The following EXOC3 variants were observed in gnomAD, a reference collection of about 807,000 sequenced individuals.
EXOC3 encodes the protein exocyst complex component 3.
A neutral mutation model predicts 73.7 loss-of-function variants in EXOC3; 21 were observed. The ratio of observed to expected loss-of-function variants is 0.29; its 90% CI spans 0.20 to 0.41. EXOC3 has a LOEUF of 0.41. Among genes scored for constraint, EXOC3 ranks in the 10% least tolerant of loss-of-function variants. EXOC3 has a pLI of 1.00. For synonymous variants in EXOC3, 410 were observed against 389.1 expected (o/e 1.05, Z -0.63); for missense variants, 842 against 985.1 (o/e 0.85, Z 1.95).
intron 1 of EXOC3, chr5:445,005 A>T (rs974325283): frequency 6.6e-6 from 1 of 152,266 alleles, no homozygotes; most frequent in Admixed American, 6.5e-5. Context: ...CCAGATGAAA[A>T]AGGAGAAGAG....
At chr5:461,799 T>C in intron 7 of EXOC3, 161 bp from the exon 8 acceptor site, 2 of 607,900 alleles carry the variant, frequency 3.3e-6, no homozygotes, top group African/African-American at 1.9e-5. Context: ...TCTCTGTCCT[T>C]CCATTAGTCT....
rs1738175820 is a variant in EXOC3 at position 467,117 on chromosome 5, T to G, written c.*219T>G. ...TGTCAAAGGCCTGTGGGTGCAGGGC[T>G]CTGCCGCACAGCCTCTCTTGGGTGC... On this transcript the variant is annotated 3_prime_UTR_variant, in exon 13 of 13. Coordinates refer to ENST00000512944, the MANE Select transcript of EXOC3 (RefSeq NM_007277.5). The G allele has an allele frequency of 1.8e-6, 1 of 563,972 alleles. No homozygotes were observed. Among genetic ancestry groups the G allele is most frequent in the Non-Finnish European group, 3.2e-6 (1 of 316,246 alleles). The allele number at this position is 563,972 out of a possible 1,614,324, so 34.9% of individuals were successfully genotyped here. A position where few individuals can be genotyped will look rare whatever the true frequency, so the allele number is the denominator to read the frequency against.
At chr5:443,706 C>T (rs1737413681) in intron 1 of EXOC3, among the ~76,000 whole-genome samples, 1 of 151,276 alleles carries the variant, frequency 6.6e-6, no homozygotes, top group African/African-American at 2.4e-5. Context: ...GCAGGTGTCC[C>T]CTCGGCGCAG....
intron 6 of EXOC3, among the ~76,000 whole-genome samples, chr5:458,903 G>A (rs191273291): frequency 6.6e-6 from 1 of 152,218 alleles, no homozygotes; most frequent in Admixed American, 6.5e-5. Flanking sequence ...AAACTGTGAG[G>A]AGAGCTCTGT....
chr5:454,890 G>T, intron 4 of EXOC3, among the ~76,000 whole-genome samples: 1 of 46,996 alleles, frequency 2.1e-5, no homozygotes, highest in African/African-American at 1.5e-4. Context: ...TTTTTTTTTA[G>T]CAGTAAGGCA....
At chr5:461,367 C>G (rs1390252733) in intron 7 of EXOC3, among the ~76,000 whole-genome samples, 7 of 152,190 alleles carry the variant, frequency 4.6e-5, no homozygotes, top group Non-Finnish European at 1.0e-4. Context: ...GTAATCCCAG[C>G]ACTTTGGGAG....
At chr5:465,456 G>A (rs892074650) in intron 11 of EXOC3, among the ~76,000 whole-genome samples, 184 bp downstream of exon 11, 2 of 152,226 alleles carry the variant, frequency 1.3e-5, no homozygotes, top group Admixed American at 6.5e-5. Flanking sequence ...TAGACGCGCC[G>A]GCCCCGCCGG....
intron 3 of EXOC3, 52 bp downstream of exon 3, chr5:447,804 A>G (rs1737549390): frequency 2.3e-6 from 3 of 1,295,402 alleles, no homozygotes; most frequent in Non-Finnish European, 3.2e-6. Context: ...TCTTTGCATG[A>G]CTCACTGAGT....
intron 4 of EXOC3, among the ~76,000 whole-genome samples, chr5:454,984 GC>G (rs1360790062): frequency 1.3e-5 from 2 of 150,094 alleles, no homozygotes; most frequent in Non-Finnish European, 3.0e-5. Context: ...GAAAGGAAGC[GC>G]CCCCTGCAGA....
chr5:444,441 G>A (rs992344805), intron 1 of EXOC3, among the ~76,000 whole-genome samples: 2 of 152,218 alleles, frequency 1.3e-5, no homozygotes, highest in Non-Finnish European at 2.9e-5. Flanking sequence ...TAAGATGGGC[G>A]CAGCCACCTC....
At chr5:459,490 A>G in intron 7 of EXOC3, 31 bp downstream of exon 7, 1 of 1,191,932 alleles carries the variant, frequency 8.4e-7, no homozygotes, top group Non-Finnish European at 1.2e-6. Flanking sequence ...GCTAATGTAC[A>G]CATTGAATGT....
intron 11 of EXOC3, 150 bp from the exon 12 acceptor site, chr5:465,568 C>A: frequency 1.9e-6 from 2 of 1,030,888 alleles, no homozygotes; most frequent in Non-Finnish European, 2.8e-6. Context: ...CCCCAGACCC[C>A]TGGCCCTGTC....
chr5:455,590 A>T (rs1737787363), intron 4 of EXOC3, among the ~76,000 whole-genome samples: 1 of 134,478 alleles, frequency 7.4e-6, no homozygotes, highest in Non-Finnish European at 1.6e-5. Context: ...TATTTACGGA[A>T]CATAGCATGA....
At chr5:461,880 C>T in intron 7 of EXOC3, 80 bp from the exon 8 acceptor site, 10 of 935,130 alleles carry the variant, frequency 1.1e-5, no homozygotes, top group Non-Finnish European at 1.7e-5. Flanking sequence ...AATTTCAGGC[C>T]AGGCGTGACG....
Position 462,291 on chromosome 5 carries a change from T to G in EXOC3, c.1637T>G (p.Val546Gly), listed in dbSNP as rs780433692. ...KEGCSGLLEE[V>G]FLDLEQHLNE... is the part of the protein sequence containing the mutation. The stretch of plus-strand genomic sequence containing the variant: ...GGCTGCAGCGGTTTGCTGGAGGAGG[T>G]CTTCCTGGACCTGGAGGTGGGCCTG... The change falls in exon 9 of 13, where the codon GTC (valine) becomes GGC (glycine). Residue 546 changes from valine to glycine, a missense_variant. Coordinates refer to ENST00000512944, the MANE Select transcript of EXOC3 (RefSeq NM_007277.5). The G allele has an allele frequency of 2.5e-6, 4 of 1,613,774 alleles. No homozygotes were observed. Among genetic ancestry groups the G allele is most frequent in the Non-Finnish European group, 2.5e-6 (3 of 1,179,870 alleles).
At chr5:457,284 C>T (rs1737846775) in intron 5 of EXOC3, 2 of 446,588 alleles carry the variant, frequency 4.5e-6, no homozygotes, top group South Asian at 4.9e-5. Context: ...AACGTCTGAA[C>T]CGTGTGTGGC....
intron 3 of EXOC3, among the ~76,000 whole-genome samples, chr5:448,687 C>T (rs958403117): frequency 6.6e-6 from 1 of 152,196 alleles, no homozygotes; most frequent in Non-Finnish European, 1.5e-5. Flanking sequence ...TGTGAATTGG[C>T]GCGGTTCTCC....
chr5:456,746 C>T, intron 4 of EXOC3, 143 bp from the exon 5 acceptor site: 1 of 691,914 alleles, frequency 1.4e-6, no homozygotes. Flanking sequence ...CCTGCACTTT[C>T]CCCTGAGCTG....
chr5:447,007 A>C (rs574086801), intron 2 of EXOC3: 1 of 154,766 alleles, frequency 6.5e-6, no homozygotes, highest in African/African-American at 2.4e-5. Flanking sequence ...GTTTTAACTC[A>C]CATTTGACAG....
Sources: allele counts gnomAD v4.1 joint callset (sites outside exome capture counted in the v4.1 genomes callset), GRCh38; gene constraint gnomAD v4.1.1; transcripts MANE v1.5; gene names NCBI Gene and HGNC (gene_info 2026-07-23, HGNC 2026-07-21).